Variants in RELA observed in about 807,000 individuals in gnomAD.
RELA encodes the protein transcription factor p65.
In RELA, 14 loss-of-function variants were observed where a neutral mutation model predicts 56.7. The observed-to-expected ratio is 0.25, with a 90% CI of 0.16 to 0.39. The LOEUF is 0.39. Ranked by LOEUF, RELA falls within the 10% of genes least tolerant of loss-of-function variation. The pLI is 1.00. For synonymous variants in RELA, 315 were observed against 289.7 expected (o/e 1.09, Z -0.89); for missense variants, 559 against 736.4 (o/e 0.76, Z 2.79).
chr11:65,661,294 T>C (rs1856559753), intron 4 of RELA: 1 of 167,542 alleles, frequency 6.0e-6, no homozygotes, highest in African/African-American at 2.4e-5. Flanking sequence ...CCCGAAGTGC[T>C]AGGATTATAA....
intron 5 of RELA, 97 bp from the exon 6 acceptor site, chr11:65,659,894 CGT>C: frequency 6.9e-7 from 1 of 1,453,580 alleles, no homozygotes. Context: ...GCCGCTGGTG[CGT>C]GTGTGAAACA....
At position 65,658,608 on chromosome 11, in the gene RELA, GC is replaced by G; in HGVS notation, c.664+109del. On this transcript the variant is annotated intron_variant, in intron 7 of 10. Transcript: ENST00000406246. This position sits in a 1 kb window ranked among gnomAD's most constrained non-coding sequence, Gnocchi z 4.5. ...TACATCACCCTTCGGCCCACCTGAG[GC>G]CCCCGAGGCACAGGAGGAAGTATCC... The G allele has an allele frequency of 1.5e-6, 2 of 1,363,894 alleles. No homozygotes were observed. The highest frequency in any genetic ancestry group is 1.0e-6 in the Non-Finnish European group (1 of 964,308). 84.5% of individuals were successfully genotyped at this position (1,363,894 alleles called of 1,614,324 possible).
In RELA at chr11:65,653,997, C is replaced by T; in HGVS notation, c.*381G>A. 3.1e-6 allele frequency: 1 copy of T among 323,390 alleles called. No homozygotes were observed. The highest frequency in any genetic ancestry group is 2.5e-5 in the South Asian group (1 of 39,678). 20.0% of individuals were successfully genotyped at this position (323,390 alleles called of 1,614,324 possible). A position where few individuals can be genotyped will look rare whatever the true frequency, so the allele number is the denominator to read the frequency against. ...TGTAATGAATCCATGATGGAAGACA[C>T]TTGATAAGGCTTTGTGGGCTCAAAG... On this transcript the variant is annotated 3_prime_UTR_variant, in exon 11 of 11. Transcript: ENST00000406246.
Position 65,658,806 on chromosome 11 carries a change from G to A in RELA, c.576C>T (p.Ala192=), listed in dbSNP as rs559353292. 39 of 1,613,938 alleles carry A rather than the reference G, an allele frequency of 2.4e-5. No individual in the cohort carries two copies. In the African/African-American group the frequency reaches 2.8e-4, roughly 12 times the overall value. ...PIFDNRAPNT[A]ELKICRVNRN... ...GGTTCACTCGGCAGATCTTGAGCTC[G>A]GCAGTGTTGGGGGCACCTGAGGCAG... Residue 192 remains alanine, a synonymous_variant, in exon 7 of 11, where the codon GCC becomes GCT. Transcript: ENST00000406246. The surrounding 1 kb of genome is among the most constrained non-coding windows in gnomAD (Gnocchi z 4.5).
chr11:65,655,015 CAGAG>C lies in RELA; in HGVS notation c.1034-19_1034-16del. On this transcript the variant is annotated splice_polypyrimidine_tract_variant and intron_variant, in intron 10 of 10. Coordinates refer to ENST00000406246, the MANE Select transcript of RELA (RefSeq NM_021975.4). ...GGGCTGGGGTGCTGGAGGAGAGAGA[CAGAG>C]AGGCAGGGGTCAGAGAAAGCCCTAG... 6.3e-7 allele frequency: 1 copy of C among 1,580,238 alleles called. No individual in the cohort carries two copies.
At chr11:65,663,059 G>A (rs982958203), upstream of RELA, 137 of 270,046 alleles carry the variant, frequency 5.1e-4, 1 homozygote, top group Middle Eastern at 2.2e-3. Flanking sequence ...GCTGCCGGGG[G>A]TCGGGGCCAA....
At chr11:65,655,516 C>T in intron 10 of RELA, 172 bp downstream of exon 10, 1 of 629,106 alleles carries the variant, frequency 1.6e-6, no homozygotes, top group African/African-American at 1.8e-5. Context: ...CACGGTGGTT[C>T]CCAGGCTTCA....
Position 65,658,968 on chromosome 11 carries a change from CTTA to C in RELA, c.560-149_560-147del, listed in dbSNP as rs1257100847. The C allele has an allele frequency of 1.5e-6, 1 of 672,214 alleles. No individual in the cohort carries two copies. Among genetic ancestry groups the C allele is most frequent in the African/African-American group, 1.8e-5 (1 of 56,464 alleles). 41.6% of individuals were successfully genotyped at this position (672,214 alleles called of 1,614,324 possible). ...ACCTTTGTAGCCAAAGTCAGACCTT[CTTA>C]TTAGCTCCTCACCCCAACCGATTCA... On this transcript the variant is annotated intron_variant, in intron 6 of 10. Transcript: ENST00000406246. This position sits in a 1 kb window ranked among gnomAD's most constrained non-coding sequence, Gnocchi z 4.5.
At chr11:65,655,392 A>G in intron 10 of RELA, 2 of 586,632 alleles carry the variant, frequency 3.4e-6, no homozygotes, top group Non-Finnish European at 3.0e-6. Context: ...AGGCACACAC[A>G]TCTTGCTAAT....
intron 6 of RELA, 144 bp downstream of exon 6, chr11:65,659,522 A>C: frequency 9.1e-7 from 1 of 1,095,744 alleles, no homozygotes; most frequent in Admixed American, 2.1e-5. Flanking sequence ...CCCAGCCAAC[A>C]AAGAGCTGGG....
chr11:65,659,823 G>T (rs1236843681), intron 5 of RELA, 26 bp from the exon 6 acceptor site: 1 of 1,596,826 alleles, frequency 6.3e-7, no homozygotes. Context: ...GCGATCAGGA[G>T]AGCAGGGGAA....
At chr11:65,661,435 T>G in intron 4 of RELA, 1 of 404,428 alleles carries the variant, frequency 2.5e-6, no homozygotes. Flanking sequence ...CTGAGGGACT[T>G]GTCCTTCCAG....
chr11:65,656,711 G>A (rs991981819), intron 8 of RELA, among the ~76,000 whole-genome samples: 1 of 152,288 alleles, frequency 6.6e-6, no homozygotes, highest in South Asian at 2.1e-4. Context: ...AAGTGAGAGG[G>A]ACACAATCAT....
In RELA at chr11:65,654,963, G is replaced by T; in HGVS notation, c.1071C>A (p.Thr357=). 6.2e-7 allele frequency: 1 copy of T among 1,604,784 alleles called. No homozygotes were observed. Among genetic ancestry groups the T allele is most frequent in the Non-Finnish European group, 8.5e-7 (1 of 1,176,330 alleles). ...TGGTGGGAAACTCATCATAGTTGATGGTGCTCAGGGATGACGTAAAGGGAT... is the reference window on the plus strand; with the variant it reads ...TGGTGGGAAACTCATCATAGTTGATTGTGCTCAGGGATGACGTAAAGGGAT... The part of the protein sequence containing the change: ...QPYPFTSSLS[T]INYDEFPTMV... Residue 357 remains threonine (T), a synonymous_variant, in exon 11 of 11, where the codon ACC becomes ACA. Coordinates refer to ENST00000406246, the MANE Select transcript of RELA (RefSeq NM_021975.4).
At chr11:65,655,109 G>A (rs1856388771) in intron 10 of RELA, 109 bp from the exon 11 acceptor site, 4 of 883,822 alleles carry the variant, frequency 4.5e-6, no homozygotes, top group East Asian at 2.6e-5. Context: ...CCCTCTCTAG[G>A]GAGTCACTGC....
In RELA at chr11:65,661,694, T is replaced by G; in HGVS notation, c.328A>C (p.Ile110Leu). 6.3e-7 allele frequency: 1 copy of G among 1,591,378 alleles called. No homozygotes were observed. Among genetic ancestry groups the G allele is most frequent in the Non-Finnish European group, 8.6e-7 (1 of 1,167,286 alleles). Residue 110 changes from isoleucine (I) to leucine (L), a missense_variant, in exon 4 of 11, where the codon ATC becomes CTC. Around this residue, in one of 4 missense-constraint regions of RELA, gnomAD observed 149 missense variants for 256.0 expected, o/e 0.58. Transcript: ENST00000406246. ...YEAELCPDRC[I>L]HSFQNLGIQC... ...AGCCTGCAGGGACCTCACCTGTGGA[T>G]GCAGCGGTCCGGGCAGAGCTCAGCC... is the stretch of plus-strand genomic sequence containing the variant.
chr11:65,662,341 G>A, intron 1 of RELA, 136 bp from the exon 2 acceptor site: 6 of 1,049,562 alleles, frequency 5.7e-6, no homozygotes, highest in East Asian at 3.0e-5. Flanking sequence ...TAGAACCTGC[G>A]GTGAAACTAA....
At chr11:65,662,524 C>T (rs1480552232) in intron 1 of RELA, 1 of 447,386 alleles carries the variant, frequency 2.2e-6, no homozygotes, top group Non-Finnish European at 3.9e-6. Context: ...TGCGTTCTCC[C>T]CTAATAGGGA....
rs1227798435 is a variant in RELA at position 65,654,899 on chromosome 11, A to G, written c.1135T>C (p.Leu379=). 6.3e-7 allele frequency: 1 copy of G among 1,589,742 alleles called. No individual in the cohort carries two copies. The highest frequency in any genetic ancestry group is 8.6e-7 in the Non-Finnish European group (1 of 1,168,134). The change falls in exon 11 of 11, where the codon TTG becomes CTG. Residue 379 remains leucine, a synonymous_variant. Coordinates refer to ENST00000406246, the MANE Select transcript of RELA (RefSeq NM_021975.4). ...PSGQISQASA[L]APAPPQVLPQ... Reference sequence around the variant, plus strand: ...AGGACTTGGGGAGGGGCCGGGGCCAAGGCCGAGGCCTGGCTGATCTGCCCA... The same window carrying G: ...AGGACTTGGGGAGGGGCCGGGGCCAGGGCCGAGGCCTGGCTGATCTGCCCA...
Sources: allele counts gnomAD v4.1 joint callset (sites outside exome capture counted in the v4.1 genomes callset), GRCh38; gene constraint gnomAD v4.1.1; regional missense constraint gnomAD v4.1.1; non-coding constraint Gnocchi (gnomAD v3.1); transcripts MANE v1.5; gene names NCBI Gene and HGNC (gene_info 2026-07-23, HGNC 2026-07-21).